The following IPO13 variants were observed in gnomAD, a reference collection of about 807,000 sequenced individuals.
IPO13 encodes importin-13.
IPO13 carries 28 observed loss-of-function variants against 115.5 expected under a neutral mutation model. The observed-to-expected ratio is 0.24, with a 90% CI of 0.18 to 0.33. The LOEUF is 0.33. IPO13 is among the 10% of genes least tolerant of loss of function. The probability of loss-of-function intolerance (pLI) is 1.00; values close to 1 mark genes in which losing one functional copy is unlikely to be tolerated. For synonymous variants in IPO13, 414 were observed against 478.9 expected (o/e 0.86, Z 1.77); for missense variants, 785 against 1,204.6 (o/e 0.65, Z 5.16).
rs2085190217 is a variant in IPO13 at position 43,949,462 on chromosome 1, C to G, written c.130C>G (p.Leu44Val). The G allele has an allele frequency of 1.2e-6, 2 of 1,613,196 alleles. No individual in the cohort carries two copies. Among genetic ancestry groups the G allele is most frequent in the Non-Finnish European group, 1.7e-6 (2 of 1,179,424 alleles). The change falls in exon 2 of 20, where the codon CTG (leucine) becomes GTG (valine). Residue 44 changes from leucine to valine, a missense_variant. Coordinates refer to ENST00000372343, the MANE Select transcript of IPO13 (RefSeq NM_014652.4). ...TGATCCCAACATTGAGAATAAGAAC[C>G]TGGCTCAGAAGTGGCTGATGCAGGC... ...YYDPNIENKNLAQKWLMQAQV... is the reference protein window; with the variant it reads ...YYDPNIENKNVAQKWLMQAQV...
At chr1:43,959,898 A>G (rs1425948655) in intron 11 of IPO13, among the ~76,000 whole-genome samples, 1 of 152,158 alleles carries the variant, frequency 6.6e-6, no homozygotes, top group Non-Finnish European at 1.5e-5. Context: ...TAGCATCTCC[A>G]CTTCTTCAGA....
At position 43,956,177 on chromosome 1, in the gene IPO13, G is replaced by A; in HGVS notation, c.822-143G>A. 1.1e-6 allele frequency: 1 copy of A among 883,276 alleles called. No individual in the cohort carries two copies. Among genetic ancestry groups the A allele is most frequent in the Non-Finnish European group, 1.7e-6 (1 of 588,452 alleles). 54.7% of individuals were successfully genotyped at this position (883,276 alleles called of 1,614,324 possible). ...ACATTGGGAACATCAAATCTGCCATGTAGACCCTGACCCTTTTTTTGCTTA... is the reference window on the plus strand; with the variant it reads ...ACATTGGGAACATCAAATCTGCCATATAGACCCTGACCCTTTTTTTGCTTA... On this transcript the variant is annotated intron_variant, in intron 2 of 19. Transcript: ENST00000372343. The surrounding 1 kb of genome is among the most constrained non-coding windows in gnomAD (Gnocchi z 4.7).
Position 43,949,466 on chromosome 1 carries a change from C to G in IPO13, c.134C>G (p.Ala45Gly). 1 of 1,613,554 alleles carries G rather than the reference C, an allele frequency of 6.2e-7. No homozygotes were observed. The highest frequency in any genetic ancestry group is 8.5e-7 in the Non-Finnish European group (1 of 1,179,588). The change falls in exon 2 of 20, where the codon GCT becomes GGT. Residue 45 changes from alanine (A) to glycine (G), a missense_variant. Transcript: ENST00000372343. ...YDPNIENKNL[A>G]QKWLMQAQVS... ...CCCAACATTGAGAATAAGAACCTGG[C>G]TCAGAAGTGGCTGATGCAGGCCCAG...
intron 15 of IPO13, 86 bp downstream of exon 15, chr1:43,964,407 C>A: frequency 8.4e-7 from 1 of 1,188,494 alleles, no homozygotes; most frequent in Non-Finnish European, 1.2e-6. Flanking sequence ...CTATTTTTAG[C>A]TTTCTGTTGA....
chr1:43,963,440 C>A (rs2085302939), intron 14 of IPO13, among the ~76,000 whole-genome samples: 1 of 152,206 alleles, frequency 6.6e-6, no homozygotes, highest in South Asian at 2.1e-4. Context: ...CTCTGCCTTC[C>A]CACTGGACCA....
chr1:43,954,202 G>C (rs1242561422), intron 2 of IPO13, among the ~76,000 whole-genome samples: 1 of 152,182 alleles, frequency 6.6e-6, no homozygotes, highest in Non-Finnish European at 1.5e-5. Flanking sequence ...CCTTCTCTTT[G>C]TGCCAGAGTC....
Position 43,957,423 on chromosome 1 carries a change from G to A in IPO13, c.1414G>A (p.Gly472Ser), listed in dbSNP as rs1273926590. 3 of 1,614,044 alleles carry A rather than the reference G, an allele frequency of 1.9e-6. No individual in the cohort carries two copies. The highest frequency in any genetic ancestry group is 2.5e-6 in the Non-Finnish European group (3 of 1,180,042). The change falls in exon 7 of 20, where the codon GGC becomes AGC. Residue 472 changes from glycine (G) to serine (S), a missense_variant. By Grantham distance (56) the Gly-to-Ser change is moderately conservative. Transcript: ENST00000372343. ...SWQHTEALLY[G>S]FQSIAETIDV... ...CCAGCACACAGAGGCCCTCCTCTAC[G>A]GCTTCCAATCCATCGCAGAGACCAT...
intron 11 of IPO13, among the ~76,000 whole-genome samples, 188 bp from the exon 12 acceptor site, chr1:43,960,061 C>G (rs1332923552): frequency 6.6e-6 from 1 of 152,146 alleles, no homozygotes; most frequent in East Asian, 1.9e-4. Context: ...TCAGGAAATA[C>G]TCCTTTTTCA....
intron 15 of IPO13, among the ~76,000 whole-genome samples, chr1:43,964,958 A>G (rs753491628): frequency 6.6e-6 from 1 of 152,102 alleles, no homozygotes; most frequent in Non-Finnish European, 1.5e-5. Flanking sequence ...TGTAAGTAGT[A>G]TGTGAATTGT....
chr1:43,964,465 G>C lies in IPO13; in HGVS notation c.2397+144G>C, dbSNP rs551124053. On this transcript the variant is annotated intron_variant, in intron 15 of 19. Coordinates refer to ENST00000372343, the MANE Select transcript of IPO13 (RefSeq NM_014652.4). ...GAATAGAGTTTCTTCATCTGTTTCCGTGGAAGTTGACAACCCAACATCCTC... is the reference window on the plus strand; with the variant it reads ...GAATAGAGTTTCTTCATCTGTTTCCCTGGAAGTTGACAACCCAACATCCTC... The C allele has an allele frequency of 4.6e-6, 3 of 653,346 alleles. No homozygotes were observed. The African/African-American group carries it at 5.5e-5, about 12-fold the overall frequency. The allele number at this position is 653,346 out of a possible 1,614,324, so 40.5% of individuals were successfully genotyped here.
intron 2 of IPO13, among the ~76,000 whole-genome samples, chr1:43,955,352 A>G (rs1043395348): frequency 4.6e-5 from 7 of 151,800 alleles, no homozygotes; most frequent in Non-Finnish European, 1.0e-4. Flanking sequence ...AGACTGTATT[A>G]GTTTCCTAGG....
At position 43,967,519 on chromosome 1, in the gene IPO13, T is replaced by G. The variant is rs763101301; in HGVS notation, c.2795+23T>G. The G allele has an allele frequency of 3.7e-6, 6 of 1,614,108 alleles. No individual in the cohort carries two copies. The highest frequency in any genetic ancestry group is 5.1e-6 in the Non-Finnish European group (6 of 1,179,958). ...TCGGTGAGCAGAGCTGGGGTGGGCC[T>G]GGGGTCAGGCAGAGAGGGGGCAGTG... On this transcript the variant is annotated intron_variant, in intron 19 of 19. Coordinates refer to ENST00000372343, the MANE Select transcript of IPO13 (RefSeq NM_014652.4). This position sits in a 1 kb window ranked among gnomAD's most constrained non-coding sequence, Gnocchi z 6.1.
intron 5 of IPO13, 84 bp from the exon 6 acceptor site, chr1:43,957,111 G>A (rs756540363): frequency 6.4e-6 from 10 of 1,573,974 alleles, no homozygotes; most frequent in African/African-American, 1.4e-5. Flanking sequence ...GAGTTGTGGG[G>A]GTACTGGGGT....
At chr1:43,964,347 G>C in intron 15 of IPO13, 26 bp downstream of exon 15, 1 of 1,534,198 alleles carries the variant, frequency 6.5e-7, no homozygotes, top group Non-Finnish European at 9.0e-7. Context: ...ATTCATTCAC[G>C]TTCTGTTCTC....
In IPO13 at chr1:43,956,631, G is replaced by C; in HGVS notation, c.1034G>C (p.Gly345Ala). ...GTCAACATGATTATGTTCTGCACAG[G>C]CATCCCTGGCCACTATCCTGTCAAT... ...ALVNMIMFCT[G>A]IPGHYPVNET... The change falls in exon 4 of 20, where the codon GGC becomes GCC. Residue 345 changes from glycine to alanine, a missense_variant. Gly to Ala is a moderately conservative substitution (Grantham distance 60). Coordinates refer to ENST00000372343, the MANE Select transcript of IPO13 (RefSeq NM_014652.4). The surrounding 1 kb of genome is among the most constrained non-coding windows in gnomAD (Gnocchi z 4.7). 1 of 1,614,226 alleles carries C rather than the reference G, an allele frequency of 6.2e-7. No individual in the cohort carries two copies. The highest frequency in any genetic ancestry group is 8.5e-7 in the Non-Finnish European group (1 of 1,180,038).
chr1:43,965,039 T>C (rs2154302427), intron 15 of IPO13, among the ~76,000 whole-genome samples: 1 of 152,226 alleles, frequency 6.6e-6, no homozygotes, highest in African/African-American at 2.4e-5. Flanking sequence ...TTGTGTTGTT[T>C]GTTGATGTGT....
At chr1:43,963,319 G>A (rs1338494753) in intron 14 of IPO13, among the ~76,000 whole-genome samples, 2 of 152,218 alleles carry the variant, frequency 1.3e-5, no homozygotes, top group Non-Finnish European at 2.9e-5. Flanking sequence ...GATCAGAACT[G>A]GAGGCAGCAG....
chr1:43,960,369 C>A (rs757464319), intron 12 of IPO13, 40 bp downstream of exon 12: 1 of 1,555,122 alleles, frequency 6.4e-7, no homozygotes, highest in Non-Finnish European at 8.9e-7. Context: ...ATAGTGACTG[C>A]TCAGAGGTGT....
In IPO13 at chr1:43,966,740, G is replaced by T; in HGVS notation, c.2481G>T (p.Lys827Asn). 1 of 1,614,210 alleles carries T rather than the reference G, an allele frequency of 6.2e-7. No individual in the cohort carries two copies. Among genetic ancestry groups the T allele is most frequent in the African/African-American group, 1.3e-5 (1 of 75,040 alleles). Residue 827 changes from lysine to asparagine, a missense_variant, in exon 17 of 20, where the codon AAG (lysine) becomes AAT (asparagine). This residue lies in a region of IPO13 where 285 missense variants were observed against 394.8 expected (regional missense o/e 0.72). Transcript: ENST00000372343. The surrounding 1 kb of genome is among the most constrained non-coding windows in gnomAD (Gnocchi z 4.1). ...AVFQCAVLAL[K>N]FPEAPTVKAS... ...TTCCCACAGCTGTGCTGGCCCTCAAGTTCCCTGAGGCACCTACTGTCAAGG... is the reference window on the plus strand; with the variant it reads ...TTCCCACAGCTGTGCTGGCCCTCAATTTCCCTGAGGCACCTACTGTCAAGG...
Sources: gnomAD v4.1 joint callset for allele counts (sites outside exome capture counted in the v4.1 genomes callset) on GRCh38, gnomAD v4.1.1 for gene constraint, gnomAD v4.1.1 regional missense constraint, Gnocchi (gnomAD v3.1) non-coding constraint, MANE v1.5 for transcripts, NCBI Gene and HGNC (gene_info 2026-07-23, HGNC 2026-07-21) for gene names.